The following INPP4B variants were observed in gnomAD, a reference collection of about 807,000 sequenced individuals.
INPP4B encodes inositol polyphosphate-4-phosphatase type II B.
A neutral mutation model predicts 122.5 loss-of-function variants in INPP4B; 55 were observed. The observed-to-expected ratio is 0.45, with a 90% CI of 0.36 to 0.56. INPP4B has a LOEUF of 0.56. Ranked by LOEUF, INPP4B falls within the 20% of genes least tolerant of loss-of-function variation. INPP4B has a pLI of 0.00. For synonymous variants in INPP4B, 403 were observed against 388.7 expected, an observed-to-expected ratio of 1.04 and a Z score of -0.43; for missense variants, 1,000 against 1,097.7, an observed-to-expected ratio of 0.91 and a Z score of 1.26.
intron 2 of INPP4B, among the ~76,000 whole-genome samples, chr4:142,483,251 G>C (rs912098671): frequency 1.8e-4 from 22 of 121,802 alleles, no homozygotes; most frequent in African/African-American, 7.0e-4. Flanking sequence ...AATGGCGTTA[G>C]TTAGATATTC....
At chr4:142,440,765 T>G in intron 3 of INPP4B, among the ~76,000 whole-genome samples, 1 of 152,186 alleles carries the variant, frequency 6.6e-6, no homozygotes, top group Non-Finnish European at 1.5e-5. Context: ...ATATTTAAGA[T>G]ATGCACATGA....
intron 2 of INPP4B, among the ~76,000 whole-genome samples, chr4:142,511,634 C>A (rs1824729095): frequency 6.6e-6 from 1 of 152,120 alleles, no homozygotes; most frequent in Admixed American, 6.6e-5. Flanking sequence ...ACACTCCAAT[C>A]CCCAGACTGC....
chr4:142,728,156 C>T (rs1202737929), intron 1 of INPP4B, among the ~76,000 whole-genome samples: 1 of 152,152 alleles, frequency 6.6e-6, no homozygotes, highest in East Asian at 1.9e-4. Context: ...AGAGGAGAAA[C>T]ATTAGTAACA....
At chr4:142,707,872 G>A (rs1762644691) in intron 2 of INPP4B, among the ~76,000 whole-genome samples, 1 of 152,178 alleles carries the variant, frequency 6.6e-6, no homozygotes, top group Non-Finnish European at 1.5e-5. Context: ...CAGTTTAGAG[G>A]GCTCAGAAGA....
At chr4:142,153,450 A>G (rs1815446787) in intron 17 of INPP4B, among the ~76,000 whole-genome samples, 1 of 152,220 alleles carries the variant, frequency 6.6e-6, no homozygotes, top group Non-Finnish European at 1.5e-5. Flanking sequence ...ATTTGAATGT[A>G]ATAATACATT....
At chr4:142,192,950 T>G in intron 15 of INPP4B, 137 bp downstream of exon 15, 1 of 522,076 alleles carries the variant, frequency 1.9e-6, no homozygotes, top group Non-Finnish European at 3.5e-6. Context: ...TTTGAGATAT[T>G]TAACAACTCT....
At position 142,258,369 on chromosome 4, in the gene INPP4B, A is replaced by C. The variant is rs946041888; in HGVS notation, c.688+2123T>G. Among the ~76,000 whole-genome samples, 236 of 151,028 alleles carry C rather than the reference A, an allele frequency of 1.6e-3. 1 individual carries two copies. Among genetic ancestry groups the C allele is most frequent in the African/African-American group, 4.5e-3 (187 of 41,486 alleles). On this transcript the variant is annotated intron_variant, in intron 11 of 25. Coordinates refer to ENST00000262992, the MANE Select transcript of INPP4B (RefSeq NM_001101669.3). ...TTGACAAATGGGATCTAATTAAACTAAAGAGCTTCTGCACAGCAAAAGAAA... is the reference window on the plus strand; with the variant it reads ...TTGACAAATGGGATCTAATTAAACTCAAGAGCTTCTGCACAGCAAAAGAAA...
At chr4:142,524,918 C>T (rs1020176442) in intron 2 of INPP4B, among the ~76,000 whole-genome samples, 5 of 151,404 alleles carry the variant, frequency 3.3e-5, no homozygotes, top group Admixed American at 6.6e-5. Flanking sequence ...AAATAAAGGG[C>T]ATTCAATTTG....
chr4:142,094,575 T>C (rs1781027326), intron 23 of INPP4B, among the ~76,000 whole-genome samples: 1 of 152,154 alleles, frequency 6.6e-6, no homozygotes, highest in Admixed American at 6.5e-5. Flanking sequence ...GCTAGTGAAA[T>C]ACACCAAGGT....
At chr4:142,301,983 A>C (rs1422450029) in intron 9 of INPP4B, among the ~76,000 whole-genome samples, 1 of 152,150 alleles carries the variant, frequency 6.6e-6, no homozygotes, top group Non-Finnish European at 1.5e-5. Flanking sequence ...TTTTATATTC[A>C]TCAACTTATA....
At chr4:142,144,248 C>T (rs1561275435) in intron 18 of INPP4B, among the ~76,000 whole-genome samples, 1 of 151,398 alleles carries the variant, frequency 6.6e-6, no homozygotes, top group Admixed American at 6.6e-5. Flanking sequence ...CACACACACA[C>T]ACACACACAC....
intron 21 of INPP4B, among the ~76,000 whole-genome samples, chr4:142,113,569 G>C (rs1038744549): frequency 4.6e-5 from 7 of 151,912 alleles, no homozygotes; most frequent in Admixed American, 4.6e-4. Flanking sequence ...TCTGAGACTT[G>C]TTTCTTTCTA....
At chr4:142,484,816 C>T (rs2874841) in intron 2 of INPP4B, among the ~76,000 whole-genome samples, 52,738 of 151,732 alleles carry the variant, frequency 0.35, 11,471 homozygotes, top group African/African-American at 0.6. Flanking sequence ...TATGTGTCCA[C>T]GTTTTCTCAT....
intron 2 of INPP4B, among the ~76,000 whole-genome samples, chr4:142,720,805 C>CTATATATA (rs1486439869): frequency 8.2e-4 from 13 of 15,874 alleles, no homozygotes; most frequent in Admixed American, 1.5e-3. Context: ...CTCTCTCTCT[C>CTATATATA]TCTCTATATA....
intron 25 of INPP4B, among the ~76,000 whole-genome samples, chr4:142,046,454 C>T (rs1751498455): frequency 6.6e-6 from 1 of 151,812 alleles, no homozygotes; most frequent in African/African-American, 2.4e-5. Context: ...CAAATTGGTG[C>T]CTAAAAGATG....
chr4:142,317,070 T>C (rs1767989678), intron 7 of INPP4B, among the ~76,000 whole-genome samples: 2 of 152,100 alleles, frequency 1.3e-5, no homozygotes, highest in Non-Finnish European at 2.9e-5. Context: ...ATCCTGTGAG[T>C]TTCAGGAAAG....
At chr4:142,218,504 T>A (rs1848199262) in intron 12 of INPP4B, among the ~76,000 whole-genome samples, 1 of 152,178 alleles carries the variant, frequency 6.6e-6, no homozygotes, top group South Asian at 2.1e-4. Context: ...ATAATTCATT[T>A]ACGGAAAAGT....
chr4:142,602,687 T>C (rs913528562), intron 2 of INPP4B, among the ~76,000 whole-genome samples: 3 of 152,200 alleles, frequency 2.0e-5, no homozygotes, highest in Admixed American at 1.3e-4. Flanking sequence ...CCAGTCAGAA[T>C]GGCTATGATT....
At chr4:142,739,319 A>G (rs1767554058) in intron 1 of INPP4B, among the ~76,000 whole-genome samples, 1 of 152,022 alleles carries the variant, frequency 6.6e-6, no homozygotes, top group Non-Finnish European at 1.5e-5. Context: ...ATTCCATTAT[A>G]TGAGCTAAGT....
Sources: allele counts gnomAD v4.1 joint callset (sites outside exome capture counted in the v4.1 genomes callset), GRCh38; gene constraint gnomAD v4.1.1; transcripts MANE v1.5; gene names NCBI Gene and HGNC (gene_info 2026-07-23, HGNC 2026-07-21).